Variants in IRAK1BP1 observed in about 807,000 individuals in gnomAD.
IRAK1BP1 encodes interleukin 1 receptor associated kinase 1 binding protein 1, also known as interleukin-1 receptor-associated kinase 1-binding protein 1.
A neutral mutation model predicts 28.0 loss-of-function variants in IRAK1BP1; 24 were observed. That is an observed-to-expected ratio of 0.86 (90% CI 0.62 to 1.20). The LOEUF is 1.20. Among genes scored for constraint, IRAK1BP1 ranks in the 50% most tolerant of loss-of-function variants. The pLI, the probability that IRAK1BP1 is intolerant of heterozygous loss-of-function variation, is 0.00. For missense variants in IRAK1BP1, 336 were observed against 316.7 expected, an observed-to-expected ratio of 1.06 and a Z score of -0.46; for synonymous variants, 131 against 116.3, an observed-to-expected ratio of 1.13 and a Z score of -0.81.
chr6:78,881,343 T>C (rs899784526), intron 1 of IRAK1BP1, among the ~76,000 whole-genome samples: 1 of 152,104 alleles, frequency 6.6e-6, no homozygotes. Context: ...CGAAAACAGA[T>C]TAGTGGTTAA....
chr6:78,949,878 G>A (rs963654725), downstream of IRAK1BP1, among the ~76,000 whole-genome samples: 3 of 151,940 alleles, frequency 2.0e-5, no homozygotes, highest in South Asian at 4.2e-4. Context: ...TTGTAAAGAC[G>A]GGGTTTTGCC....
In IRAK1BP1 at chr6:78,900,477, T is replaced by C. The variant is rs903060570; in HGVS notation, c.*2143T>C. ...CAATTTTATTCATCTTATTGGAGTG[T>C]TGCTGTAGGGGAAGAGTAGAAGCTA... On this transcript the variant is annotated 3_prime_UTR_variant, in exon 4 of 4. Coordinates refer to ENST00000369940, the MANE Select transcript of IRAK1BP1 (RefSeq NM_001010844.4). 2 of 152,192 alleles carry C rather than the reference T, an allele frequency of 1.3e-5. No individual in the cohort carries two copies. Among genetic ancestry groups the C allele is most frequent in the Non-Finnish European group, 2.9e-5 (2 of 68,040 alleles). 9.4% of individuals were successfully genotyped at this position (152,192 alleles called of 1,614,324 possible). A position where few individuals can be genotyped will look rare whatever the true frequency, so the allele number is the denominator to read the frequency against.
chr6:78,909,143 A>T (rs1435121460), intron 4 of IRAK1BP1, among the ~76,000 whole-genome samples: 1 of 152,234 alleles, frequency 6.6e-6, no homozygotes. Flanking sequence ...GATGATCCTA[A>T]CTTACGATAG....
the IRAK1BP1 span, chr6:78,954,954 G>A: frequency 1.3e-6 from 2 of 1,556,734 alleles, no homozygotes; most frequent in Non-Finnish European, 1.7e-6. Flanking sequence ...CTTCTTCTAG[G>A]CTGATGGTCC....
At chr6:78,887,772 A>T (rs760262534) in intron 2 of IRAK1BP1, among the ~76,000 whole-genome samples, 4 of 120,790 alleles carry the variant, frequency 3.3e-5, no homozygotes, top group Non-Finnish European at 7.6e-5. Flanking sequence ...ATGATGATGT[A>T]ACCATTATGG....
At chr6:78,957,563 A>T in the IRAK1BP1 span, 1 of 151,570 alleles carries the variant, frequency 6.6e-6, no homozygotes, top group African/African-American at 2.4e-5. Context: ...AATGAGAATG[A>T]AGCAGGGATG....
At chr6:78,961,899 C>G in the IRAK1BP1 span, 2 of 990,374 alleles carry the variant, frequency 2.0e-6, no homozygotes, top group Non-Finnish European at 3.0e-6. Flanking sequence ...CTTAAAAAGT[C>G]CTAATCTACA....
At chr6:78,968,214 T>C in the IRAK1BP1 span, among the ~76,000 whole-genome samples, 524 of 152,318 alleles carry the variant, frequency 3.4e-3, 3 homozygotes, top group African/African-American at 0.011. Flanking sequence ...CAAAGGCTGA[T>C]AGCCAAAACC....
intron 1 of IRAK1BP1, chr6:78,871,715 C>T (rs1038319210): frequency 5.0e-6 from 1 of 201,478 alleles, no homozygotes; most frequent in Non-Finnish European, 9.4e-6. Flanking sequence ...AGGTTGCTTG[C>T]ACACGGTCAC....
the IRAK1BP1 span, chr6:78,955,367 T>C: frequency 4.1e-6 from 4 of 974,688 alleles, no homozygotes; most frequent in East Asian, 5.0e-5. Flanking sequence ...TTATTTCCTT[T>C]ACACACTGGA....
intron 1 of IRAK1BP1, 65 bp downstream of exon 1, chr6:78,867,956 C>T (rs904645189): frequency 4.9e-6 from 7 of 1,441,874 alleles, no homozygotes; most frequent in Non-Finnish European, 6.5e-6. Context: ...GATGGTCGGG[C>T]CCCACAGGCC....
intron 4 of IRAK1BP1, among the ~76,000 whole-genome samples, chr6:78,921,364 G>T (rs1010180778): frequency 6.6e-6 from 1 of 152,212 alleles, no homozygotes; most frequent in Non-Finnish European, 1.5e-5. Context: ...CAAGGCCGCG[G>T]CAAGGCTGGG....
chr6:78,941,196 T>G, intron 4 of IRAK1BP1: 3 of 1,614,062 alleles, frequency 1.9e-6, no homozygotes, highest in Non-Finnish European at 2.5e-6. Context: ...TTCTTGTGTA[T>G]AATTTCACCA....
intron 4 of IRAK1BP1, among the ~76,000 whole-genome samples, chr6:78,921,978 A>C (rs779309493): frequency 1.3e-5 from 2 of 152,200 alleles, no homozygotes; most frequent in Non-Finnish European, 2.9e-5. Flanking sequence ...TGGGGAAAAA[A>C]CAGAGCAGAA....
chr6:78,962,065 T>C, the IRAK1BP1 span, among the ~76,000 whole-genome samples: 1 of 152,130 alleles, frequency 6.6e-6, no homozygotes, highest in Admixed American at 6.5e-5. Context: ...TATATATACA[T>C]ATATCAGACC....
chr6:78,954,253 C>T, the IRAK1BP1 span, among the ~76,000 whole-genome samples: 1 of 148,388 alleles, frequency 6.7e-6, no homozygotes, highest in Non-Finnish European at 1.5e-5. Flanking sequence ...AGGCACCCGC[C>T]CACACGCCTG....
intron 2 of IRAK1BP1, among the ~76,000 whole-genome samples, chr6:78,889,116 C>CAAAAA (rs201870779): frequency 1.3e-5 from 1 of 79,752 alleles, no homozygotes; most frequent in South Asian, 4.2e-4. Flanking sequence ...GACTCTGTCT[C>CAAAAA]AAAAAAAAAA....
At chr6:78,946,474 C>CCAT (rs1269157509), downstream of IRAK1BP1, 6 of 1,395,348 alleles carry the variant, frequency 4.3e-6, no homozygotes, top group Admixed American at 1.3e-4. Flanking sequence ...AAGCATGATG[C>CCAT]CATCACTATC....
At chr6:78,931,422 A>G (rs1289427240) in intron 4 of IRAK1BP1, among the ~76,000 whole-genome samples, 1 of 152,194 alleles carries the variant, frequency 6.6e-6, no homozygotes, top group Non-Finnish European at 1.5e-5. Context: ...AAAAACAAGA[A>G]AAAGAAGTAG....
Sources: allele counts gnomAD v4.1 joint callset (sites outside exome capture counted in the v4.1 genomes callset), GRCh38; gene constraint gnomAD v4.1.1; transcripts MANE v1.5; gene names NCBI Gene and HGNC (gene_info 2026-07-23, HGNC 2026-07-21).